The following ZSCAN5A variants were observed in gnomAD, a reference collection of about 807,000 sequenced individuals.
The protein encoded by ZSCAN5A is zinc finger and SCAN domain containing 5A.
A neutral mutation model predicts 23.7 loss-of-function variants in ZSCAN5A; 12 were observed. That is an observed-to-expected ratio of 0.51 (90% CI 0.32 to 0.82). ZSCAN5A has a LOEUF of 0.82. ZSCAN5A is among the 40% of genes least tolerant of loss of function. The pLI is 0.03. For synonymous variants in ZSCAN5A, 257 were observed against 239.9 expected, an observed-to-expected ratio of 1.07 and a Z score of -0.66; for missense variants, 597 against 617.9, an observed-to-expected ratio of 0.97 and a Z score of 0.36.
chr19:56,356,934 G>A (rs555162636), intron 2 of ZSCAN5A, among the ~76,000 whole-genome samples: 1 of 148,660 alleles, frequency 6.7e-6, no homozygotes, highest in East Asian at 1.9e-4. Flanking sequence ...TAGGTTGTAG[G>A]CAATAAAAAT....
chr19:56,352,047 CT>C lies in ZSCAN5A; in HGVS notation c.-358+11187del, dbSNP rs1185575368. 6.6e-6 allele frequency among the ~76,000 whole-genome samples: 1 copy of C among 152,146 alleles called. No homozygotes were observed. Among genetic ancestry groups the C allele is most frequent in the Non-Finnish European group, 1.5e-5 (1 of 68,030 alleles). On this transcript the variant is annotated intron_variant, in intron 2 of 6. Coordinates refer to the ZSCAN5A transcript ENST00000587340. This position sits in a 1 kb window ranked among gnomAD's most constrained non-coding sequence, Gnocchi z 4.2. Reference sequence around the variant, plus strand: ...GGTGAAGATACTGATGGAGTGCCTTCTTTATGCCCTGCGCTTGGGTATGCTT... The same window carrying C: ...GGTGAAGATACTGATGGAGTGCCTTCTTATGCCCTGCGCTTGGGTATGCTT...
At chr19:56,366,860 T>A (rs1264987929) in intron 1 of ZSCAN5A, among the ~76,000 whole-genome samples, 1 of 152,192 alleles carries the variant, frequency 6.6e-6, no homozygotes, top group East Asian at 1.9e-4. Flanking sequence ...CTTATCACCA[T>A]GTTACTAAAG....
chr19:56,349,814 A>T (rs879417600), intron 2 of ZSCAN5A, among the ~76,000 whole-genome samples: 2 of 151,694 alleles, frequency 1.3e-5, no homozygotes, highest in African/African-American at 4.8e-5. Context: ...CTCCTACCTT[A>T]TCAAATACTT....
At chr19:56,261,244 T>G (rs1158298672) in intron 2 of ZSCAN5A, among the ~76,000 whole-genome samples, 1 of 151,504 alleles carries the variant, frequency 6.6e-6, no homozygotes, top group Admixed American at 6.6e-5. Context: ...GGAGCTTAAG[T>G]GACAGAGACA....
chr19:56,243,612 T>C (rs917530407), intron 2 of ZSCAN5A, among the ~76,000 whole-genome samples: 7 of 152,200 alleles, frequency 4.6e-5, no homozygotes. Context: ...TTGCATCAGA[T>C]TTTAGGAGCT....
chr19:56,302,457 T>C (rs938747115), intron 2 of ZSCAN5A, among the ~76,000 whole-genome samples: 5 of 136,852 alleles, frequency 3.7e-5, no homozygotes, highest in African/African-American at 1.4e-4. Context: ...CCTCTCTCCG[T>C]CTGCTTCCTC....
chr19:56,224,020 C>T (rs1282415262), intron 3 of ZSCAN5A, among the ~76,000 whole-genome samples, 186 bp from the exon 4 acceptor site: 2 of 151,654 alleles, frequency 1.3e-5, no homozygotes, highest in East Asian at 1.9e-4. Context: ...GACTCCAGCA[C>T]CTGCCTGCGC....
intron 2 of ZSCAN5A, among the ~76,000 whole-genome samples, chr19:56,349,786 G>A (rs182140766): frequency 2.3e-4 from 35 of 149,254 alleles, no homozygotes; most frequent in African/African-American, 7.6e-4. Context: ...TGAGGGCTAC[G>A]CATCTTACTC....
intron 2 of ZSCAN5A, among the ~76,000 whole-genome samples, chr19:56,241,105 T>C (rs1355746083): frequency 6.6e-6 from 1 of 152,232 alleles, no homozygotes; most frequent in Non-Finnish European, 1.5e-5. Flanking sequence ...CCAATGAGAA[T>C]GTGCACTAAG....
intron 2 of ZSCAN5A, among the ~76,000 whole-genome samples, chr19:56,249,195 A>G (rs2036170302): frequency 6.6e-6 from 1 of 152,154 alleles, no homozygotes; most frequent in Non-Finnish European, 1.5e-5. Context: ...CTAATCTACA[A>G]AAGGGTGGGC....
chr19:56,255,417 C>T (rs537549217), intron 2 of ZSCAN5A, among the ~76,000 whole-genome samples: 22 of 152,166 alleles, frequency 1.4e-4, no homozygotes, highest in African/African-American at 4.6e-4. Context: ...GAAAGTCTGC[C>T]GCCCGCTGCT....
At chr19:56,271,292 C>A (rs982523348) in intron 2 of ZSCAN5A, among the ~76,000 whole-genome samples, 1 of 152,218 alleles carries the variant, frequency 6.6e-6, no homozygotes, top group Non-Finnish European at 1.5e-5. Flanking sequence ...TTTCCCACTA[C>A]CCTGCCTGCC....
At chr19:56,230,091 T>C (rs1291561091) in intron 2 of ZSCAN5A, among the ~76,000 whole-genome samples, 2 of 152,144 alleles carry the variant, frequency 1.3e-5, no homozygotes, top group African/African-American at 2.4e-5. Context: ...TGGCTAAGAC[T>C]TTCCCAACAC....
intron 1 of ZSCAN5A, among the ~76,000 whole-genome samples, chr19:56,366,184 T>C (rs982405978): frequency 2.6e-5 from 4 of 152,116 alleles, no homozygotes; most frequent in African/African-American, 7.2e-5. Context: ...GGGCTCAGGA[T>C]AAGAGACTGA....
At chr19:56,329,065 T>G (rs990365506) in intron 2 of ZSCAN5A, among the ~76,000 whole-genome samples, 6 of 151,078 alleles carry the variant, frequency 4.0e-5, no homozygotes, top group African/African-American at 1.5e-4. Context: ...TAATTTGACC[T>G]TGGCTGGGCA....
chr19:56,281,577 A>C, intron 2 of ZSCAN5A: 1 of 406,728 alleles, frequency 2.5e-6, no homozygotes, highest in Non-Finnish European at 3.3e-6. Context: ...TCCATGAAGG[A>C]ATAAAGAAAT....
intron 2 of ZSCAN5A, chr19:56,228,289 G>A (rs2034149021): frequency 1.0e-6 from 1 of 985,182 alleles, no homozygotes; most frequent in African/African-American, 1.7e-5. Context: ...TCTCGGTCTG[G>A]GATGCGCTCT....
At chr19:56,227,572 T>A (rs2034070584) in intron 2 of ZSCAN5A, among the ~76,000 whole-genome samples, 1 of 152,086 alleles carries the variant, frequency 6.6e-6, no homozygotes, top group Admixed American at 6.5e-5. Context: ...CCCGTTAAAG[T>A]AAGAAACAAG....
chr19:56,338,714 G>A (rs1382697689), intron 2 of ZSCAN5A: 1 of 152,290 alleles, frequency 6.6e-6, no homozygotes, highest in Non-Finnish European at 1.5e-5. Flanking sequence ...TCCAGAGATG[G>A]TCACTTGGAT....
Sources: gnomAD v4.1 joint callset for allele counts (sites outside exome capture counted in the v4.1 genomes callset) on GRCh38, gnomAD v4.1.1 for gene constraint, Gnocchi (gnomAD v3.1) non-coding constraint, MANE v1.5 for transcripts, NCBI Gene and HGNC (gene_info 2026-07-23, HGNC 2026-07-21) for gene names.